The following KIAA1217 variants were observed in gnomAD, a reference collection of about 807,000 sequenced individuals.
KIAA1217 encodes the protein sickle tail protein homolog.
KIAA1217 carries 88 observed loss-of-function variants against 163.9 expected under a neutral mutation model. The observed-to-expected ratio is 0.54, with a 90% CI of 0.45 to 0.64. The LOEUF (loss-of-function observed/expected upper bound fraction) is 0.64, where lower values mean the gene tolerates loss of function less well. KIAA1217 is among the 30% of genes least tolerant of loss of function. The probability of loss-of-function intolerance (pLI) is 0.00; values close to 1 mark genes in which losing one functional copy is unlikely to be tolerated. For synonymous variants in KIAA1217, 903 were observed against 923.1 expected (o/e 0.98, Z 0.39); for missense variants, 2,372 against 2,475.0 (o/e 0.96, Z 0.88).
chr10:23,700,850 A>G (rs1282538751), intron 1 of KIAA1217, among the ~76,000 whole-genome samples: 1 of 152,200 alleles, frequency 6.6e-6, no homozygotes, highest in African/African-American at 2.4e-5. Flanking sequence ...AAGAAATTCC[A>G]TACATTTGAT....
At chr10:24,419,736 T>G (rs912620553) in intron 3 of KIAA1217, among the ~76,000 whole-genome samples, 1 of 152,188 alleles carries the variant, frequency 6.6e-6, no homozygotes, top group Non-Finnish European at 1.5e-5. Context: ...CCCCATCCTT[T>G]GCCAGAGCTA....
chr10:24,030,526 T>C (rs1178137848), intron 2 of KIAA1217, among the ~76,000 whole-genome samples: 1 of 152,188 alleles, frequency 6.6e-6, no homozygotes, highest in African/African-American at 2.4e-5. Context: ...ACCTCTTTCC[T>C]TTATAAATTA....
chr10:24,132,822 G>A lies in KIAA1217; in HGVS notation c.-170-86804G>A, dbSNP rs190921926. On this transcript the variant is annotated intron_variant, in intron 2 of 18. Transcript: ENST00000376462. ...GGATGAGGCTGGGGGGCTGTCTGCC[G>A]CCTCACCTAAATGCTAAGAAGACTG... 2.1e-3 allele frequency among the ~76,000 whole-genome samples: 317 copies of A among 152,246 alleles called. 1 individual carries two copies. Among genetic ancestry groups the A allele is most frequent in the African/African-American group, 6.6e-3 (273 of 41,538 alleles).
chr10:23,977,024 A>G (rs1452735334), intron 1 of KIAA1217, among the ~76,000 whole-genome samples: 1 of 152,206 alleles, frequency 6.6e-6, no homozygotes, highest in African/African-American at 2.4e-5. Flanking sequence ...TATGACTTTT[A>G]GTCTGTGAGC....
intron 6 of KIAA1217, among the ~76,000 whole-genome samples, chr10:24,488,589 C>T (rs2065702935): frequency 6.6e-6 from 1 of 152,206 alleles, no homozygotes. Flanking sequence ...TTTAGTTACA[C>T]AGCTTTTCCA....
intron 2 of KIAA1217, chr10:24,042,160 T>C (rs970604000): frequency 2.0e-5 from 3 of 152,116 alleles, no homozygotes; most frequent in Non-Finnish European, 4.4e-5. Flanking sequence ...CTGCACTTCA[T>C]ACTGTAACTG....
At chr10:24,006,935 C>G (rs1466281968) in intron 1 of KIAA1217, among the ~76,000 whole-genome samples, 1 of 152,154 alleles carries the variant, frequency 6.6e-6, no homozygotes, top group East Asian at 1.9e-4. Flanking sequence ...ACTACCTAAG[C>G]CAACTCTTAT....
intron 2 of KIAA1217, among the ~76,000 whole-genome samples, chr10:24,130,341 CAT>C (rs540421339): frequency 1.2e-3 from 190 of 152,250 alleles, no homozygotes; most frequent in African/African-American, 4.4e-3. Context: ...TATGTAAAAA[CAT>C]GTGTGATTGG....
chr10:24,430,741 G>A (rs910715751), intron 3 of KIAA1217, among the ~76,000 whole-genome samples: 3 of 152,174 alleles, frequency 2.0e-5, no homozygotes, highest in Non-Finnish European at 2.9e-5. Context: ...GCTCCTATGA[G>A]AATCTTATGC....
chr10:24,051,822 T>C (rs1319773397), intron 2 of KIAA1217, among the ~76,000 whole-genome samples: 1 of 152,184 alleles, frequency 6.6e-6, no homozygotes, highest in Non-Finnish European at 1.5e-5. Flanking sequence ...CTTGCTGATT[T>C]GTTTGAGTTC....
intron 1 of KIAA1217, among the ~76,000 whole-genome samples, chr10:23,702,664 A>AACAC: frequency 8.7e-6 from 1 of 114,678 alleles, no homozygotes; most frequent in South Asian, 2.8e-4. Flanking sequence ...AGAACAGGAG[A>AACAC]ATACACACAC....
chr10:23,869,234 G>A (rs1415001230), intron 1 of KIAA1217, among the ~76,000 whole-genome samples: 2 of 136,296 alleles, frequency 1.5e-5, no homozygotes, highest in Non-Finnish European at 3.1e-5. Context: ...ATGGAAAATA[G>A]ATGACTCTTT....
intron 2 of KIAA1217, among the ~76,000 whole-genome samples, chr10:24,045,172 T>C (rs1409375719): frequency 1.3e-5 from 2 of 152,164 alleles, no homozygotes; most frequent in Non-Finnish European, 2.9e-5. Context: ...TTCTCCATTG[T>C]CTTTTGAGAT....
chr10:24,178,309 T>G (rs1176391295), intron 2 of KIAA1217, among the ~76,000 whole-genome samples: 1 of 152,236 alleles, frequency 6.6e-6, no homozygotes, highest in Non-Finnish European at 1.5e-5. Flanking sequence ...AAAAATACTT[T>G]CACATTGAAT....
intron 1 of KIAA1217, among the ~76,000 whole-genome samples, chr10:23,737,668 A>G (rs1838889963): frequency 6.6e-6 from 1 of 152,338 alleles, no homozygotes; most frequent in South Asian, 2.1e-4. Flanking sequence ...ATTAAAAAAG[A>G]TGAAATTTTG....
chr10:24,522,898 C>T (rs1323381806), intron 12 of KIAA1217, among the ~76,000 whole-genome samples: 1 of 152,096 alleles, frequency 6.6e-6, no homozygotes, highest in African/African-American at 2.4e-5. Context: ...TTACTTGAAC[C>T]CAGGAGGTGG....
chr10:24,274,962 G>A (rs957010383), intron 2 of KIAA1217, among the ~76,000 whole-genome samples: 6 of 151,698 alleles, frequency 4.0e-5, no homozygotes, highest in Non-Finnish European at 7.4e-5. Flanking sequence ...TGTAGATGCC[G>A]GGTCTCGCCC....
At chr10:23,828,475 C>A (rs1838009810) in intron 1 of KIAA1217, among the ~76,000 whole-genome samples, 2 of 152,134 alleles carry the variant, frequency 1.3e-5, no homozygotes, top group Non-Finnish European at 2.9e-5. Flanking sequence ...GGTTTTATAA[C>A]ACCGTGAATG....
chr10:24,050,235 T>G (rs1161253886), intron 2 of KIAA1217, among the ~76,000 whole-genome samples: 3 of 152,196 alleles, frequency 2.0e-5, no homozygotes, highest in Non-Finnish European at 4.4e-5. Context: ...ATTGCAAAAA[T>G]TTTCTCCTGT....
Sources: allele counts gnomAD v4.1 joint callset (sites outside exome capture counted in the v4.1 genomes callset), GRCh38; gene constraint gnomAD v4.1.1; transcripts MANE v1.5; gene names NCBI Gene and HGNC (gene_info 2026-07-23, HGNC 2026-07-21).